VPS13C: variants seen among roughly 807,000 people sequenced by gnomAD.
VPS13C encodes vacuolar protein sorting 13 homolog C, also known as intermembrane lipid transfer protein VPS13C.
Under a neutral mutation model 456.8 loss-of-function variants are expected in VPS13C, and 358 were observed. That is an observed-to-expected ratio of 0.78 (90% CI 0.72 to 0.86). The LOEUF (loss-of-function observed/expected upper bound fraction) is 0.86. VPS13C is among the 40% of genes least tolerant of loss of function. The pLI, the probability that VPS13C is intolerant of heterozygous loss-of-function variation, is 0.00. For missense variants in VPS13C, 4,818 were observed against 4,385.4 expected (o/e 1.10, Z -2.79); for synonymous variants, 1,578 against 1,486.7 (o/e 1.06, Z -1.41).
In VPS13C at chr15:61,962,515, T is replaced by C. The variant is rs771898966; in HGVS notation, c.3459A>G (p.Glu1153=). Residue 1153 remains glutamate (E), a synonymous_variant, in exon 34 of 85, where the codon GAA becomes GAG. Coordinates refer to ENST00000644861, the MANE Select transcript of VPS13C (RefSeq NM_020821.3). ...ACAAATCCAAATTAAAACGGAAAAC[T>C]TCATTTCCCATTATTGACACAGCCT... ...HKKAVSIMGN[E]VFRFNLDLYP... The C allele has an allele frequency of 6.2e-7, 1 of 1,609,556 alleles. No individual in the cohort carries two copies. Among genetic ancestry groups the C allele is most frequent in the East Asian group, 2.2e-5 (1 of 44,698 alleles).
rs771226164 is a variant in VPS13C at position 61,877,016 on chromosome 15, C to T, written c.10181G>A (p.Arg3394Lys). 3.1e-6 allele frequency: 5 copies of T among 1,609,750 alleles called. No homozygotes were observed. Residue 3394 changes from arginine (R) to lysine (K), a missense_variant, in exon 75 of 85, where the codon AGA (arginine) becomes AAA (lysine). Arg to Lys is a conservative substitution (Grantham distance 26). Transcript: ENST00000644861. ...AACAACACTCCATATAAGCTGATCT[C>T]TCTTGTAGAACTGATATCGAATTTC... ...YYEIRYQFYK[R>K]DQLIWSVVRH...
At position 61,882,637 on chromosome 15, in the gene VPS13C, A is replaced by G; in HGVS notation, c.9583T>C (p.Ser3195Pro). 6.2e-7 allele frequency: 1 copy of G among 1,602,924 alleles called. No homozygotes were observed. ...CTGGCCCTTAAACTTCTCTGGTGAGAAGACTGCTTAAATTCAATCTGAATT... is the reference window on the plus strand; with the variant it reads ...CTGGCCCTTAAACTTCTCTGGTGAGGAGACTGCTTAAATTCAATCTGAATT... Reference protein sequence around the residue: ...SGIQIEFKQSSHQRSLRARLY... With the variant: ...SGIQIEFKQSPHQRSLRARLY... Residue 3195 changes from serine to proline, a missense_variant, in exon 69 of 85, where the codon TCT becomes CCT. Ser to Pro is a moderately conservative substitution (Grantham distance 74). Coordinates refer to ENST00000644861, the MANE Select transcript of VPS13C (RefSeq NM_020821.3).
chr15:61,878,781 A>G (rs1268537814), intron 73 of VPS13C, 35 bp from the exon 74 acceptor site: 43 of 1,568,068 alleles, frequency 2.7e-5, no homozygotes, highest in Non-Finnish European at 3.5e-5. Flanking sequence ...AATGAAAGCT[A>G]AAAGTGAAAA....
rs752271373 is a variant in VPS13C, at chr15:61,868,672, G to A, written c.10850C>T (p.Ser3617Phe). Residue 3617 changes from serine to phenylalanine, a missense_variant, in exon 81 of 85, where the codon TCT becomes TTT. Coordinates refer to ENST00000644861, the MANE Select transcript of VPS13C (RefSeq NM_020821.3). Reference protein sequence around the residue: ...RPYDRQESEGSDLLENHIKKL... With the variant: ...RPYDRQESEGFDLLENHIKKL... ...AACAAAATTTACCTCAAGTAAGTCA[G>A]AGCCCTCAGATTCCTGTCTGTCATA... 8 of 1,614,030 alleles carry A rather than the reference G, an allele frequency of 5.0e-6. No individual in the cohort carries two copies. The highest frequency in any genetic ancestry group is 6.8e-6 in the Non-Finnish European group (8 of 1,179,994).
intron 73 of VPS13C, 43 bp downstream of exon 73, chr15:61,880,566 A>T (rs1289273203): frequency 7.3e-7 from 1 of 1,370,564 alleles, no homozygotes. Context: ...AAAAAGTTCT[A>T]CAATAATTTC....
chr15:61,908,629 T>C (rs112423109), intron 65 of VPS13C, among the ~76,000 whole-genome samples: 42 of 152,308 alleles, frequency 2.8e-4, no homozygotes, highest in African/African-American at 1.0e-3. Flanking sequence ...AAGGGAATAC[T>C]TAAACAGGTT....
intron 78 of VPS13C, 89 bp downstream of exon 78, chr15:61,873,157 C>A: frequency 6.4e-7 from 1 of 1,562,274 alleles, no homozygotes; most frequent in Non-Finnish European, 8.7e-7. Flanking sequence ...GGCCTAGACT[C>A]ATAAGCAGCA....
intron 75 of VPS13C, 125 bp downstream of exon 75, chr15:61,876,848 C>T (rs1895460130): frequency 1.6e-6 from 1 of 632,238 alleles, no homozygotes; most frequent in Non-Finnish European, 2.5e-6. Flanking sequence ...AAGAAAGCCA[C>T]TAAATACGGA....
intron 16 of VPS13C, among the ~76,000 whole-genome samples, chr15:62,000,017 G>A (rs963708782): frequency 6.6e-6 from 1 of 151,868 alleles, no homozygotes; most frequent in Non-Finnish European, 1.5e-5. Flanking sequence ...CAGAATTATA[G>A]ATGTCTTTTA....
chr15:61,947,775 T>A (rs1052881775), intron 42 of VPS13C, among the ~76,000 whole-genome samples: 4 of 152,196 alleles, frequency 2.6e-5, no homozygotes, highest in African/African-American at 9.6e-5. Flanking sequence ...TGTTATTAAC[T>A]ACATGATAAA....
At chr15:62,036,782 T>C (rs1413836384) in intron 3 of VPS13C, among the ~76,000 whole-genome samples, 1 of 151,980 alleles carries the variant, frequency 6.6e-6, no homozygotes, top group Non-Finnish European at 1.5e-5. Flanking sequence ...GGTCCTAGAA[T>C]TGAGTTTTTT....
At chr15:62,012,465 T>G (rs2047080506) in intron 11 of VPS13C, among the ~76,000 whole-genome samples, 1 of 151,966 alleles carries the variant, frequency 6.6e-6, no homozygotes, top group South Asian at 2.1e-4. Flanking sequence ...TTCAGACACA[T>G]TCTAGTCACA....
At chr15:61,959,726 CAA>C in intron 35 of VPS13C, 131 bp from the exon 36 acceptor site, 1 of 797,716 alleles carries the variant, frequency 1.3e-6, no homozygotes, top group Non-Finnish European at 1.8e-6. Flanking sequence ...TGAGTATTTT[CAA>C]AACTGAACCT....
rs759715068 is a variant in VPS13C, at chr15:61,874,956, C to CA, written c.10339-6dup. 3.3e-4 allele frequency: 494 copies of CA among 1,503,802 alleles called. No homozygotes were observed. The highest frequency in any genetic ancestry group is 6.0e-4 in the South Asian group (44 of 72,970). 93.2% of individuals were successfully genotyped at this position (1,503,802 alleles called of 1,614,324 possible). A position where few individuals can be genotyped will look rare whatever the true frequency, so the allele number is the denominator to read the frequency against. ...TTCAGGGCCTTGAACAGCACCCTGGCAAAAAAAAATAAAAAATAATCTTAT... is the reference window on the plus strand; with the variant it reads ...TTCAGGGCCTTGAACAGCACCCTGGCAAAAAAAAAATAAAAAATAATCTTAT... On this transcript the variant is annotated splice_polypyrimidine_tract_variant and splice_region_variant and intron_variant, in intron 76 of 84. Transcript: ENST00000644861.
Position 61,982,741 on chromosome 15 carries a change from G to C in VPS13C, c.1915-168C>G, listed in dbSNP as rs933807. Among the ~76,000 whole-genome samples the C allele has an allele frequency of 0.39, 59,428 of 152,054 alleles. 12,680 individuals are homozygous for C. Among genetic ancestry groups the C allele is most frequent in the Admixed American group, 0.51 (7,813 of 15,280 alleles). ...TGGAGTAAAAGAGAACCTGGAGAAAGGAAGAGCCTAAGCAAGCTTACTGGA... is the reference window on the plus strand; with the variant it reads ...TGGAGTAAAAGAGAACCTGGAGAAACGAAGAGCCTAAGCAAGCTTACTGGA... On this transcript the variant is annotated intron_variant, in intron 20 of 84. Transcript: ENST00000644861.
chr15:61,961,968 A>G (rs930482440), intron 34 of VPS13C, 75 bp from the exon 35 acceptor site: 11 of 1,465,746 alleles, frequency 7.5e-6, no homozygotes. Context: ...TCTTCTTTTC[A>G]TACATGTGGT....
chr15:62,027,038 T>C (rs569549276), intron 6 of VPS13C, among the ~76,000 whole-genome samples: 1 of 152,084 alleles, frequency 6.6e-6, no homozygotes, highest in Non-Finnish European at 1.5e-5. Flanking sequence ...TCATTTTGAC[T>C]TTTTGAGAAC....
intron 45 of VPS13C, 61 bp from the exon 46 acceptor site, chr15:61,942,128 T>C: frequency 1.4e-6 from 2 of 1,417,688 alleles, no homozygotes. Flanking sequence ...GAAAAAACTT[T>C]AAAAAGCATT....
chr15:61,881,555 T>C lies in VPS13C; in HGVS notation c.9776+8A>G. 6.3e-7 allele frequency: 1 copy of C among 1,585,664 alleles called. No individual in the cohort carries two copies. Among genetic ancestry groups the C allele is most frequent in the Non-Finnish European group, 8.5e-7 (1 of 1,169,686 alleles). ...TCTTTTAGAGAAACAGCAGGAATCT[T>C]CACTTACTTGAACTGTAAGACTTTA... On this transcript the variant is annotated splice_region_variant and intron_variant, in intron 71 of 84. Coordinates refer to ENST00000644861, the MANE Select transcript of VPS13C (RefSeq NM_020821.3).
Sources: allele counts gnomAD v4.1 joint callset (sites outside exome capture counted in the v4.1 genomes callset), GRCh38; gene constraint gnomAD v4.1.1; transcripts MANE v1.5; gene names NCBI Gene and HGNC (gene_info 2026-07-23, HGNC 2026-07-21).